Variants in ATP11A observed in about 807,000 individuals in gnomAD.
The protein encoded by ATP11A is ATPase phospholipid transporting 11A.
In ATP11A, 81 loss-of-function variants were observed where a neutral mutation model predicts 154.4. The observed-to-expected ratio is 0.52, with a 90% CI of 0.44 to 0.63. The LOEUF is 0.63. Among genes scored for constraint, ATP11A ranks in the 30% least tolerant of loss-of-function variants. ATP11A has a pLI of 0.00. For synonymous variants in ATP11A, 623 were observed against 585.9 expected (o/e 1.06, Z -0.91); for missense variants, 1,316 against 1,474.3 (o/e 0.89, Z 1.76).
rs2078349489 is a variant in ATP11A at position 112,807,291 on chromosome 13, A to G, written c.333+998A>G. 6.6e-6 allele frequency among the ~76,000 whole-genome samples: 1 copy of G among 152,198 alleles called. No individual in the cohort carries two copies. The highest frequency in any genetic ancestry group is 6.5e-5 in the Admixed American group (1 of 15,290). On this transcript the variant is annotated intron_variant, in intron 4 of 29. Coordinates refer to ENST00000375645, the MANE Select transcript of ATP11A (RefSeq NM_015205.3). This position sits in a 1 kb window ranked among gnomAD's most constrained non-coding sequence, Gnocchi z 4.5. ...ATAAACATGCAGCTGTGCAGTCAGT[A>G]CATGGGGCCTGTGTGTCTTCACTAG...
At chr13:112,854,224 TTC>T in intron 18 of ATP11A, 53 bp from the exon 19 acceptor site, 1 of 1,481,364 alleles carries the variant, frequency 6.8e-7, no homozygotes, top group Non-Finnish European at 8.9e-7. Flanking sequence ...CTTATTTGGA[TTC>T]CTGGGTCAGC....
chr13:112,866,421 G>A (rs970408683), intron 25 of ATP11A, among the ~76,000 whole-genome samples: 6 of 151,972 alleles, frequency 3.9e-5, no homozygotes, highest in East Asian at 2.0e-4. Flanking sequence ...GATGTTTTCC[G>A]AATTGACTGG....
chr13:112,869,038 C>A (rs951753336), intron 25 of ATP11A, among the ~76,000 whole-genome samples: 1 of 152,002 alleles, frequency 6.6e-6, no homozygotes, highest in Non-Finnish European at 1.5e-5. Flanking sequence ...TCCCACCAGG[C>A]TCTCCCTCCA....
intron 1 of ATP11A, among the ~76,000 whole-genome samples, chr13:112,756,667 T>G (rs1448761060): frequency 6.6e-6 from 1 of 152,214 alleles, no homozygotes; most frequent in Non-Finnish European, 1.5e-5. Flanking sequence ...TCAGAGGTGC[T>G]TCTTGGCTGG....
chr13:112,748,540 A>G (rs957896641), intron 1 of ATP11A, among the ~76,000 whole-genome samples: 6 of 152,054 alleles, frequency 3.9e-5, no homozygotes, highest in East Asian at 1.9e-4. Flanking sequence ...CAATTTTTGT[A>G]TTCTTTGTAG....
chr13:112,721,086 C>T (rs903354166), intron 1 of ATP11A, among the ~76,000 whole-genome samples: 8 of 152,144 alleles, frequency 5.3e-5, no homozygotes, highest in Middle Eastern at 3.4e-3. Context: ...AGTTGCTGAT[C>T]GGGAAAGGGT....
chr13:112,864,512 G>A (rs1405331324), intron 25 of ATP11A, among the ~76,000 whole-genome samples: 2 of 83,232 alleles, frequency 2.4e-5, no homozygotes, highest in Non-Finnish European at 4.9e-5. Context: ...TGCAGCCCGT[G>A]CAGCTTCCCA....
intron 4 of ATP11A, among the ~76,000 whole-genome samples, chr13:112,808,998 C>T (rs1281888461): frequency 6.6e-6 from 1 of 152,218 alleles, no homozygotes; most frequent in East Asian, 1.9e-4. Flanking sequence ...CTAGGCTTTT[C>T]GGGGATCCTG....
intron 15 of ATP11A, among the ~76,000 whole-genome samples, chr13:112,835,852 G>A (rs1229954077): frequency 6.6e-6 from 1 of 152,264 alleles, no homozygotes; most frequent in African/African-American, 2.4e-5. Flanking sequence ...CTGTTCAGCG[G>A]TGTTTAGGGA....
intron 29 of ATP11A, among the ~76,000 whole-genome samples, chr13:112,879,505 A>C (rs909585510): frequency 2.0e-5 from 3 of 152,224 alleles, no homozygotes; most frequent in African/African-American, 7.2e-5. Flanking sequence ...AGCTAAAAAT[A>C]AGCATTCTAA....
At position 112,835,264 on chromosome 13, in the gene ATP11A, G is replaced by C. The variant is rs181938258; in HGVS notation, c.1631+604G>C. On this transcript the variant is annotated intron_variant, in intron 15 of 29. Coordinates refer to ENST00000375645, the MANE Select transcript of ATP11A (RefSeq NM_015205.3). ...CATCTTGAGATCTGACTCAGGAGAG[G>C]GGGTGGTGGCTTATCAACAAGCACG... Among the ~76,000 whole-genome samples, 38 of 152,358 alleles carry C rather than the reference G, an allele frequency of 2.5e-4. No individual in the cohort carries two copies. The East Asian group carries it at 7.3e-3, about 29-fold the overall frequency.
intron 16 of ATP11A, among the ~76,000 whole-genome samples, chr13:112,841,785 C>T (rs558267852): frequency 1.2e-4 from 18 of 152,370 alleles, no homozygotes; most frequent in African/African-American, 3.4e-4. Context: ...ATGTCCACAG[C>T]GATCACAGTG....
At chr13:112,809,419 G>A (rs184900562) in intron 4 of ATP11A, among the ~76,000 whole-genome samples, 2 of 152,266 alleles carry the variant, frequency 1.3e-5, no homozygotes, top group African/African-American at 2.4e-5. Context: ...CAGTCACAGG[G>A]CCACTGATGC....
At chr13:112,825,177 G>C (rs1424767430) in intron 10 of ATP11A, among the ~76,000 whole-genome samples, 3 of 152,234 alleles carry the variant, frequency 2.0e-5, no homozygotes, top group African/African-American at 7.2e-5. Flanking sequence ...GTGTGGCTGT[G>C]AGCAGCCCTC....
chr13:112,802,571 A>C (rs1042433987), intron 2 of ATP11A, among the ~76,000 whole-genome samples: 12 of 151,640 alleles, frequency 7.9e-5, no homozygotes, highest in Admixed American at 5.2e-4. Context: ...AAAAAAAAAA[A>C]AACCCAGCAA....
At chr13:112,766,523 C>T (rs4907759) in intron 1 of ATP11A, among the ~76,000 whole-genome samples, 70,046 of 152,014 alleles carry the variant, frequency 0.46, 16,406 homozygotes, top group Middle Eastern at 0.6. Context: ...TGAATCTATA[C>T]TGCAGCCTCA....
chr13:112,690,525 C>T lies in ATP11A; in HGVS notation c.39+70C>T. ...ACGCGGGCCGGCCCCGCAGCCCGGA[C>T]CCTGTGGCCGGTCCAGCCCCGGGGT... is the stretch of plus-strand genomic sequence containing the variant. On this transcript the variant is annotated intron_variant, in intron 1 of 29. Transcript: ENST00000375645. This position sits in a 1 kb window ranked among gnomAD's most constrained non-coding sequence, Gnocchi z 5.6. The T allele has an allele frequency of 8.0e-7, 1 of 1,249,046 alleles. No individual in the cohort carries two copies. The highest frequency in any genetic ancestry group is 1.0e-6 in the Non-Finnish European group (1 of 992,542). The allele number at this position is 1,249,046 out of a possible 1,614,324, so 77.4% of individuals were successfully genotyped here. A position where few individuals can be genotyped will look rare whatever the true frequency, so the allele number is the denominator to read the frequency against.
intron 1 of ATP11A, among the ~76,000 whole-genome samples, chr13:112,721,106 G>A (rs1889125066): frequency 6.6e-6 from 1 of 152,192 alleles, no homozygotes; most frequent in Non-Finnish European, 1.5e-5. Context: ...TGTATGTAAG[G>A]CCAGTCCTCT....
At chr13:112,857,797 C>G in intron 20 of ATP11A, 21 bp from the exon 21 acceptor site, 1 of 1,581,334 alleles carries the variant, frequency 6.3e-7, no homozygotes, top group Middle Eastern at 1.7e-4. Context: ...AAGATAAATT[C>G]CGCATTTCTT....
Sources: gnomAD v4.1 joint callset for allele counts (sites outside exome capture counted in the v4.1 genomes callset) on GRCh38, gnomAD v4.1.1 for gene constraint, Gnocchi (gnomAD v3.1) non-coding constraint, MANE v1.5 for transcripts, NCBI Gene and HGNC (gene_info 2026-07-23, HGNC 2026-07-21) for gene names.